The following ZNF362 variants were observed in gnomAD, a reference collection of about 807,000 sequenced individuals.
The protein encoded by ZNF362 is zinc finger protein 362.
ZNF362 carries 11 observed loss-of-function variants against 42.9 expected under a neutral mutation model. The ratio of observed to expected loss-of-function variants is 0.26; its 90% CI spans 0.16 to 0.42. ZNF362 has a LOEUF of 0.42. Among genes scored for constraint, ZNF362 ranks in the 20% least tolerant of loss-of-function variants. The probability of loss-of-function intolerance (pLI) is 1.00; values close to 1 mark genes in which losing one functional copy is unlikely to be tolerated. For synonymous variants in ZNF362, 255 were observed against 257.3 expected (o/e 0.99, Z 0.09); for missense variants, 362 against 576.2 (o/e 0.63, Z 3.81).
chr1:33,295,971 G>A (rs1374891153), intron 8 of ZNF362, among the ~76,000 whole-genome samples: 2 of 152,164 alleles, frequency 1.3e-5, no homozygotes, highest in Non-Finnish European at 2.9e-5. Flanking sequence ...ATCAACCTGA[G>A]CTAGTACCAT....
the ZNF362 span, among the ~76,000 whole-genome samples, chr1:33,172,077 G>A: frequency 1.6e-4 from 25 of 152,180 alleles, no homozygotes; most frequent in African/African-American, 5.5e-4. Context: ...CCATGGCACC[G>A]GACCTCAAAT....
chr1:33,145,410 G>A, the ZNF362 span: 4 of 162,046 alleles, frequency 2.5e-5, no homozygotes, highest in Admixed American at 2.3e-4. Flanking sequence ...ACTGACATCT[G>A]TAACTTTAAT....
chr1:33,171,307 G>A, the ZNF362 span, among the ~76,000 whole-genome samples: 10 of 152,168 alleles, frequency 6.6e-5, no homozygotes, highest in Non-Finnish European at 1.2e-4. Flanking sequence ...ATGTGGTTTG[G>A]GTTTGAATTT....
At chr1:33,205,505 G>T in the ZNF362 span, among the ~76,000 whole-genome samples, 39 of 151,634 alleles carry the variant, frequency 2.6e-4, no homozygotes, top group Non-Finnish European at 4.7e-4. Context: ...AAAATGCAAA[G>T]GATCTAAAAT....
rs1262876605 is a variant in ZNF362 at position 33,299,061 on chromosome 1, C to T, written c.*15C>T. On this transcript the variant is annotated 3_prime_UTR_variant, in exon 9 of 9. Transcript: ENST00000539719. ...CTCTCATCTGAGCCCACTGGAGGCG[C>T]CGCCCCACCCGGCCCACTGGCAGAC... The T allele has an allele frequency of 2.5e-6, 4 of 1,595,396 alleles. No individual in the cohort carries two copies. Among genetic ancestry groups the T allele is most frequent in the Non-Finnish European group, 3.4e-6 (4 of 1,172,802 alleles).
rs1645990297 is a variant in ZNF362, at chr1:33,281,044, G to A, written c.684-543G>A. Among the ~76,000 whole-genome samples the A allele has an allele frequency of 6.8e-6, 1 of 147,442 alleles. No individual in the cohort carries two copies. Among genetic ancestry groups the A allele is most frequent in the South Asian group, 2.2e-4 (1 of 4,532 alleles). On this transcript the variant is annotated intron_variant, in intron 5 of 8. Transcript: ENST00000539719. This position sits in a 1 kb window ranked among gnomAD's most constrained non-coding sequence, Gnocchi z 4.8. ...AGGTCGGGCCACTGCACTCCAACCTGGGTGACAGGGTGAGACTCTGTCTCA... is the reference window on the plus strand; with the variant it reads ...AGGTCGGGCCACTGCACTCCAACCTAGGTGACAGGGTGAGACTCTGTCTCA...
chr1:33,263,139 A>G (rs913724172), intron 1 of ZNF362, among the ~76,000 whole-genome samples: 2 of 152,234 alleles, frequency 1.3e-5, no homozygotes, highest in African/African-American at 4.8e-5. Flanking sequence ...TACACTTGAG[A>G]TAACATAGCC....
chr1:33,250,865 G>GAAGAAGAAC, the ZNF362 span, among the ~76,000 whole-genome samples: 9 of 147,514 alleles, frequency 6.1e-5, no homozygotes, highest in Non-Finnish European at 1.3e-4. Flanking sequence ...AGAAGAAGAA[G>GAAGAAGAAC]AAGAAGAAGA....
intron 6 of ZNF362, among the ~76,000 whole-genome samples, chr1:33,286,754 T>G (rs1172855468): frequency 6.6e-6 from 1 of 152,198 alleles, no homozygotes; most frequent in African/African-American, 2.4e-5. Flanking sequence ...TCCAGATTCC[T>G]TGTCCTCTGC....
chr1:33,195,083 A>G, the ZNF362 span: 1 of 152,242 alleles, frequency 6.6e-6, no homozygotes, highest in African/African-American at 2.4e-5. Context: ...CCACAAATGA[A>G]TGATGTTCTG....
intron 2 of ZNF362, among the ~76,000 whole-genome samples, chr1:33,272,957 C>A (rs1303381863): frequency 6.6e-6 from 1 of 152,258 alleles, no homozygotes; most frequent in Admixed American, 6.5e-5. Flanking sequence ...GTCCTGAACA[C>A]ACTTCTGGCC....
chr1:33,258,251 G>A (rs893070707), intron 1 of ZNF362, among the ~76,000 whole-genome samples: 1 of 152,120 alleles, frequency 6.6e-6, no homozygotes, highest in South Asian at 2.1e-4. Context: ...CTGCCGAGGG[G>A]GATCTGAAGG....
At chr1:33,181,372 G>C in the ZNF362 span, 2 of 1,600,150 alleles carry the variant, frequency 1.2e-6, no homozygotes, top group Non-Finnish European at 1.7e-6. The surrounding 1 kb of genome is among the most constrained non-coding windows in gnomAD (Gnocchi z 6.5). Flanking sequence ...AGGCTCACCG[G>C]GTCCTGGTAG....
the ZNF362 span, among the ~76,000 whole-genome samples, chr1:33,138,155 G>A: frequency 6.6e-6 from 1 of 152,160 alleles, no homozygotes; most frequent in East Asian, 1.9e-4. Context: ...GTTACACCCT[G>A]GAGCAAGAGC....
intron 6 of ZNF362, among the ~76,000 whole-genome samples, chr1:33,282,843 A>T: frequency 7.0e-6 from 1 of 143,068 alleles, no homozygotes; most frequent in Non-Finnish European, 1.5e-5. Context: ...AAAAAAAAAA[A>T]GTTTGTGCAG....
At chr1:33,241,125 T>C in the ZNF362 span, among the ~76,000 whole-genome samples, 2 of 149,252 alleles carry the variant, frequency 1.3e-5, no homozygotes, top group Non-Finnish European at 3.0e-5. Flanking sequence ...TTTTCAAGTG[T>C]GAAGTTTTAG....
chr1:33,159,830 T>C, the ZNF362 span: 1 of 1,613,636 alleles, frequency 6.2e-7, no homozygotes, highest in Non-Finnish European at 8.5e-7. This position sits in a 1 kb window ranked among gnomAD's most constrained non-coding sequence, Gnocchi z 4.2. Flanking sequence ...TCGGTCAGCG[T>C]GCGGGCCGTG....
the ZNF362 span, among the ~76,000 whole-genome samples, chr1:33,222,621 T>C: frequency 6.6e-6 from 1 of 152,228 alleles, no homozygotes; most frequent in East Asian, 1.9e-4. Context: ...TACCTTGTAG[T>C]GTCATCCTGC....
At chr1:33,159,868 T>C in the ZNF362 span, 7 of 1,612,714 alleles carry the variant, frequency 4.3e-6, no homozygotes, top group Non-Finnish European at 8.5e-7. The surrounding 1 kb of genome is among the most constrained non-coding windows in gnomAD (Gnocchi z 4.2). Flanking sequence ...TAGCATGGCC[T>C]TCTGGCGTTC....
Sources: allele counts gnomAD v4.1 joint callset (sites outside exome capture counted in the v4.1 genomes callset), GRCh38; gene constraint gnomAD v4.1.1; non-coding constraint Gnocchi (gnomAD v3.1); transcripts MANE v1.5; gene names NCBI Gene and HGNC (gene_info 2026-07-23, HGNC 2026-07-21).